RAI14: variants seen among roughly 807,000 people sequenced by gnomAD.
RAI14 encodes the protein retinoic acid induced 14.
Under a neutral mutation model 115.4 loss-of-function variants are expected in RAI14, and 45 were observed. The observed-to-expected ratio is 0.39, with a 90% confidence interval of 0.31 to 0.50. The LOEUF (loss-of-function observed/expected upper bound fraction) is 0.50, where lower values mean the gene tolerates loss of function less well. Ranked by LOEUF, RAI14 falls within the 20% of genes least tolerant of loss-of-function variation. The pLI, the probability that RAI14 is intolerant of heterozygous loss-of-function variation, is 0.85. For synonymous variants in RAI14, 371 were observed against 415.4 expected, an observed-to-expected ratio of 0.89 and a Z score of 1.30; for missense variants, 939 against 1,131.2, an observed-to-expected ratio of 0.83 and a Z score of 2.44.
chr5:34,800,792 T>C (rs1175364216), intron 4 of RAI14, among the ~76,000 whole-genome samples: 4 of 152,220 alleles, frequency 2.6e-5, no homozygotes, highest in Non-Finnish European at 5.9e-5. Context: ...CCCAACCATC[T>C]TGTCTTTGGA....
At chr5:34,804,678 C>G (rs1280852484) in intron 5 of RAI14, among the ~76,000 whole-genome samples, 1 of 152,202 alleles carries the variant, frequency 6.6e-6, no homozygotes, top group Non-Finnish European at 1.5e-5. Context: ...TCCAAGAATG[C>G]TTAACCTTAA....
At chr5:34,754,368 A>G (rs1341916616) in intron 2 of RAI14, among the ~76,000 whole-genome samples, 2 of 152,142 alleles carry the variant, frequency 1.3e-5, no homozygotes, top group African/African-American at 4.8e-5. Flanking sequence ...TAGTTTTAGC[A>G]TGCTTGTGAG....
chr5:34,715,590 C>T (rs1741891705), intron 2 of RAI14, among the ~76,000 whole-genome samples: 1 of 152,168 alleles, frequency 6.6e-6, no homozygotes, highest in African/African-American at 2.4e-5. Context: ...TGCACAGTTG[C>T]TACCTAAAAA....
intron 12 of RAI14, among the ~76,000 whole-genome samples, chr5:34,816,456 G>A (rs1174734651): frequency 2.0e-5 from 3 of 152,020 alleles, no homozygotes; most frequent in African/African-American, 7.2e-5. Flanking sequence ...TTTTACAAAT[G>A]TTAGAAAATC....
chr5:34,803,567 AAAAC>A (rs1754527969), intron 4 of RAI14, 141 bp from the exon 5 acceptor site: 5 of 684,486 alleles, frequency 7.3e-6, no homozygotes, highest in Admixed American at 3.5e-5. Context: ...AAAAAACAAA[AAAAC>A]AAACAAACAA....
chr5:34,765,559 C>G (rs908414502), intron 3 of RAI14, among the ~76,000 whole-genome samples: 1 of 152,168 alleles, frequency 6.6e-6, no homozygotes, highest in African/African-American at 2.4e-5. Flanking sequence ...TTTAGGGTAT[C>G]TGGCAGAATA....
intron 2 of RAI14, among the ~76,000 whole-genome samples, chr5:34,711,116 AG>A (rs1161405378): frequency 2.0e-5 from 3 of 152,184 alleles, no homozygotes; most frequent in African/African-American, 4.8e-5. Context: ...GGAAGTGATT[AG>A]GTCATAGGTT....
At chr5:34,757,399 C>T in intron 2 of RAI14, 69 bp from the exon 3 acceptor site, 3 of 1,566,892 alleles carry the variant, frequency 1.9e-6, no homozygotes, top group Non-Finnish European at 2.6e-6. Context: ...GCGAGGACTG[C>T]AGCCCTGCTG....
In RAI14 at chr5:34,793,328, A is replaced by G. The variant is rs563337015; in HGVS notation, c.168-2611A>G. Among the ~76,000 whole-genome samples the G allele has an allele frequency of 3.9e-5, 6 of 152,334 alleles. No individual in the cohort carries two copies. In the South Asian group the frequency reaches 8.3e-4, roughly 21 times the overall value. ...TACCAATGTACAGGAGTGGCCTACA[A>G]TAATGCTTCACTGTCAGATGGTCTG... On this transcript the variant is annotated intron_variant, in intron 3 of 17. Coordinates refer to ENST00000265109, the MANE Select transcript of RAI14 (RefSeq NM_015577.3).
At chr5:34,800,530 A>G (rs1370953218) in intron 4 of RAI14, among the ~76,000 whole-genome samples, 1 of 152,178 alleles carries the variant, frequency 6.6e-6, no homozygotes, top group Non-Finnish European at 1.5e-5. Flanking sequence ...TGGAGAGAGA[A>G]TTTGGTGTTA....
intron 3 of RAI14, among the ~76,000 whole-genome samples, chr5:34,759,513 A>G (rs577949193): frequency 3.9e-4 from 60 of 152,258 alleles, no homozygotes; most frequent in Non-Finnish European, 7.9e-4. Context: ...CACAAACCCT[A>G]CTGTGAACTG....
chr5:34,688,408 A>G, intron 2 of RAI14: 1 of 630,274 alleles, frequency 1.6e-6, no homozygotes, highest in South Asian at 2.6e-5. Flanking sequence ...CTAGACTTCC[A>G]TATATATATG....
chr5:34,705,848 T>C (rs1740644163), intron 2 of RAI14, among the ~76,000 whole-genome samples: 1 of 152,186 alleles, frequency 6.6e-6, no homozygotes, highest in Non-Finnish European at 1.5e-5. Context: ...GGTTTCTCCA[T>C]GTTGGTCAGG....
At chr5:34,795,093 G>C (rs746987333) in intron 3 of RAI14, among the ~76,000 whole-genome samples, 1 of 152,202 alleles carries the variant, frequency 6.6e-6, no homozygotes, top group Non-Finnish European at 1.5e-5. Context: ...TGACCACCCA[G>C]TGGAATTGTG....
chr5:34,670,607 A>G (rs1044423083), intron 1 of RAI14, among the ~76,000 whole-genome samples: 1 of 152,184 alleles, frequency 6.6e-6, no homozygotes, highest in Non-Finnish European at 1.5e-5. Flanking sequence ...TATTCCTGCC[A>G]TTATAATCTA....
rs1016302735 is a variant in RAI14 at position 34,700,998 on chromosome 5, C to T, written c.36+14043C>T. Among the ~76,000 whole-genome samples the T allele has an allele frequency of 2.0e-5, 3 of 152,314 alleles. No homozygotes were observed. The South Asian group carries it at 6.2e-4, about 32-fold the overall frequency. ...TGACTTCTTAAGAGCATTGCAACTCCTTACCAGAAACATAAGAAAAGACAG... is the reference window on the plus strand; with the variant it reads ...TGACTTCTTAAGAGCATTGCAACTCTTTACCAGAAACATAAGAAAAGACAG... On this transcript the variant is annotated intron_variant, in intron 2 of 17. Coordinates refer to ENST00000265109, the MANE Select transcript of RAI14 (RefSeq NM_015577.3).
chr5:34,822,240 A>G (rs966282849), intron 14 of RAI14, among the ~76,000 whole-genome samples: 1 of 115,180 alleles, frequency 8.7e-6, no homozygotes, highest in South Asian at 3.1e-4. Flanking sequence ...TTATATATGT[A>G]TGTGTGTATG....
intron 2 of RAI14, among the ~76,000 whole-genome samples, chr5:34,707,626 T>C (rs1740865487): frequency 6.6e-6 from 1 of 152,144 alleles, no homozygotes. Context: ...ACTGGAGTTG[T>C]GCAAAGTCCC....
At chr5:34,673,900 C>T (rs1041146693) in intron 1 of RAI14, among the ~76,000 whole-genome samples, 1 of 152,174 alleles carries the variant, frequency 6.6e-6, no homozygotes, top group Non-Finnish European at 1.5e-5. Flanking sequence ...CTGAATAGCC[C>T]TGATGAGGAG....
Sources: allele counts gnomAD v4.1 joint callset (sites outside exome capture counted in the v4.1 genomes callset), GRCh38; gene constraint gnomAD v4.1.1; transcripts MANE v1.5; gene names NCBI Gene and HGNC (gene_info 2026-07-23, HGNC 2026-07-21).